RNPC3: variants seen among roughly 807,000 people sequenced by gnomAD.
The protein encoded by RNPC3 is RNA-binding region-containing protein 3.
A neutral mutation model predicts 67.5 loss-of-function variants in RNPC3; 48 were observed. The observed-to-expected ratio is 0.71, with a 90% CI of 0.56 to 0.90. RNPC3 has a LOEUF of 0.90. Ranked by LOEUF, RNPC3 falls within the 40% of genes least tolerant of loss-of-function variation. RNPC3 has a pLI of 0.00. For missense variants in RNPC3, 637 were observed against 626.1 expected (o/e 1.02, Z -0.19); for synonymous variants, 239 against 210.3 (o/e 1.14, Z -1.18).
At chr1:103,528,229 G>A (rs1276902349) in intron 2 of RNPC3, among the ~76,000 whole-genome samples, 1 of 152,176 alleles carries the variant, frequency 6.6e-6, no homozygotes, top group Admixed American at 6.5e-5. Context: ...GATGGAAATG[G>A]AACTTGAAAA....
In RNPC3 at chr1:103,541,471, C is replaced by T. The variant is rs1193513590; in HGVS notation, c.889C>T (p.His297Tyr). ...GTTGAATACACCTTTGTGTCCTTCA[C>T]ACAGGTAATTTTATTTGAACTAAGA... The part of the protein sequence containing the change: ...DMLNTPLCPS[H>Y]SSLHPVLLPS... Residue 297 changes from histidine to tyrosine, a missense_variant, in exon 8 of 15, where the codon CAC (histidine) becomes TAC (tyrosine). This residue lies in a region of RNPC3 where 536 missense variants were observed against 500.3 expected (regional missense o/e 1.07). Coordinates refer to ENST00000423855, the MANE Select transcript of RNPC3 (RefSeq NM_017619.4). The T allele has an allele frequency of 1.3e-6, 2 of 1,490,050 alleles. No homozygotes were observed. Among genetic ancestry groups the T allele is most frequent in the Admixed American group, 5.0e-5 (2 of 39,766 alleles). 92.3% of individuals were successfully genotyped at this position (1,490,050 alleles called of 1,614,324 possible). A position where few individuals can be genotyped will look rare whatever the true frequency, so the allele number is the denominator to read the frequency against.
chr1:103,544,561 G>A (rs961644940), intron 9 of RNPC3, among the ~76,000 whole-genome samples: 3 of 151,794 alleles, frequency 2.0e-5, no homozygotes, highest in Non-Finnish European at 4.4e-5. Flanking sequence ...GAGCACTTGT[G>A]TGAATATAGG....
chr1:103,551,823 A>G, intron 14 of RNPC3, 31 bp downstream of exon 14: 1 of 1,086,702 alleles, frequency 9.2e-7, no homozygotes, highest in Admixed American at 2.9e-5. Context: ...ATAAAAAGAC[A>G]AGACTAATTC....
intron 10 of RNPC3, chr1:103,545,888 G>A (rs1651230961): frequency 6.5e-6 from 1 of 152,850 alleles, no homozygotes; most frequent in Non-Finnish European, 1.5e-5. Flanking sequence ...CATCTTAACG[G>A]ACCTTTAATA....
intron 1 of RNPC3, among the ~76,000 whole-genome samples, chr1:103,527,247 A>T (rs1002730069): frequency 6.6e-6 from 1 of 152,210 alleles, no homozygotes; most frequent in African/African-American, 2.4e-5. Context: ...CCCATTGAAC[A>T]TTATTACAAA....
chr1:103,547,486 CAG>C (rs1296633809), intron 12 of RNPC3, among the ~76,000 whole-genome samples: 1 of 152,126 alleles, frequency 6.6e-6, no homozygotes, highest in Admixed American at 6.5e-5. Flanking sequence ...GGCCCACCTG[CAG>C]AGAGTCTGAT....
At chr1:103,532,976 A>G (rs1650895739) in intron 2 of RNPC3, among the ~76,000 whole-genome samples, 1 of 152,056 alleles carries the variant, frequency 6.6e-6, no homozygotes, top group Non-Finnish European at 1.5e-5. Flanking sequence ...GATGGGAGAA[A>G]TAGGAGCATG....
At chr1:103,531,532 G>T (rs986073390) in intron 2 of RNPC3, among the ~76,000 whole-genome samples, 1 of 152,042 alleles carries the variant, frequency 6.6e-6, no homozygotes, top group Non-Finnish European at 1.5e-5. Context: ...TTTTCATTAT[G>T]ACCATTATTG....
intron 14 of RNPC3, among the ~76,000 whole-genome samples, chr1:103,553,094 CCTT>C (rs1651438635): frequency 1.3e-5 from 2 of 152,018 alleles, no homozygotes; most frequent in African/African-American, 2.4e-5. Flanking sequence ...AATATTTAGT[CCTT>C]CTGAGATGGC....
intron 14 of RNPC3, chr1:103,553,412 G>A (rs1651448339): frequency 6.6e-6 from 1 of 151,964 alleles, no homozygotes. Context: ...CCAGGTTAAG[G>A]AATACTTTTT....
At chr1:103,550,180 A>G (rs1651352394) in intron 12 of RNPC3, among the ~76,000 whole-genome samples, 1 of 151,724 alleles carries the variant, frequency 6.6e-6, no homozygotes, top group Non-Finnish European at 1.5e-5. Context: ...AATAATAATC[A>G]TAATAATAAT....
intron 12 of RNPC3, 21 bp downstream of exon 12, chr1:103,547,056 A>G: frequency 7.3e-7 from 1 of 1,364,346 alleles, no homozygotes; most frequent in Non-Finnish European, 9.9e-7. Flanking sequence ...GTAAAATACA[A>G]TCTTCAATTA....
intron 4 of RNPC3, 126 bp from the exon 5 acceptor site, chr1:103,535,204 A>G (rs1230959661): frequency 1.7e-6 from 1 of 595,030 alleles, no homozygotes; most frequent in Non-Finnish European, 2.8e-6. Flanking sequence ...TGGATCTTTT[A>G]GGAACAAGGT....
chr1:103,533,795 T>C lies in RNPC3; in HGVS notation c.297T>C (p.Phe99=). 6.5e-7 allele frequency: 1 copy of C among 1,535,678 alleles called. No homozygotes were observed. The change falls in exon 3 of 15, where the codon TTT becomes TTC. Residue 99 remains phenylalanine, a synonymous_variant. Transcript: ENST00000423855. ...TAGGTCATACTTTAGTCGTTGAATTTGCAAAAGAGCAAGATCGAGTTCACT... is the reference window on the plus strand; with the variant it reads ...TAGGTCATACTTTAGTCGTTGAATTCGCAAAAGAGCAAGATCGAGTTCACT... ...KLLGHTLVVE[F]AKEQDRVHSP...
rs1328970167 is a variant in RNPC3, at chr1:103,533,861, T to C, written c.359+4T>C. On this transcript the variant is annotated splice_donor_region_variant and intron_variant, in intron 3 of 14. Coordinates refer to ENST00000423855, the MANE Select transcript of RNPC3 (RefSeq NM_017619.4). The stretch of plus-strand genomic sequence containing the variant: ...CAGGCTCTGAAAAAAAAAAAAGGTA[T>C]GTAGATCAGTAAATCATACATTTTT... The C allele has an allele frequency of 9.2e-6, 12 of 1,300,172 alleles. No individual in the cohort carries two copies. In the East Asian group the frequency reaches 3.0e-4, roughly 33 times the overall value. The allele number at this position is 1,300,172 out of a possible 1,614,324, so 80.5% of individuals were successfully genotyped here. A position where few individuals can be genotyped will look rare whatever the true frequency, so the allele number is the denominator to read the frequency against.
At chr1:103,548,414 C>G (rs764924071) in intron 12 of RNPC3, among the ~76,000 whole-genome samples, 6 of 152,142 alleles carry the variant, frequency 3.9e-5, no homozygotes, top group Non-Finnish European at 8.8e-5. Context: ...TCATCTCTCT[C>G]AAGTTCAAAA....
intron 14 of RNPC3, chr1:103,552,023 T>A (rs1651403638): frequency 3.2e-6 from 1 of 313,394 alleles, no homozygotes; most frequent in Admixed American, 5.1e-5. Context: ...AGTGTGCCTG[T>A]TACTCTTTTT....
rs1181408271 is a variant in RNPC3, at chr1:103,541,372, G to A, written c.790G>A (p.Ala264Thr). ...RQRMNKLMEL[A>T]NLQPKRPKTI... ...TAGAATGAACAAATTAATGGAACTA[G>A]CAAATCTTCAGCCCAAAAGACCTAA... is the stretch of plus-strand genomic sequence containing the variant. Residue 264 changes from alanine (A) to threonine (T), a missense_variant, in exon 8 of 15, where the codon GCA becomes ACA. Transcript: ENST00000423855. The A allele has an allele frequency of 2.7e-6, 4 of 1,504,350 alleles. No homozygotes were observed. Among genetic ancestry groups the A allele is most frequent in the Admixed American group, 2.3e-5 (1 of 42,638 alleles). 93.2% of individuals were successfully genotyped at this position (1,504,350 alleles called of 1,614,324 possible). A position where few individuals can be genotyped will look rare whatever the true frequency, so the allele number is the denominator to read the frequency against.
chr1:103,541,446 G>T lies in RNPC3; in HGVS notation c.864G>T (p.Met288Ile), dbSNP rs1651123566. 2 of 1,496,102 alleles carry T rather than the reference G, an allele frequency of 1.3e-6. No homozygotes were observed. Among genetic ancestry groups the T allele is most frequent in the Non-Finnish European group, 1.8e-6 (2 of 1,132,622 alleles). The allele number at this position is 1,496,102 out of a possible 1,614,324, so 92.7% of individuals were successfully genotyped here. A position where few individuals can be genotyped will look rare whatever the true frequency, so the allele number is the denominator to read the frequency against. Reference sequence around the variant, plus strand: ...GAAAAAAGAGAAAAATAAAGGATATGTTGAATACACCTTTGTGTCCTTCAC... The same window carrying T: ...GAAAAAAGAGAAAAATAAAGGATATTTTGAATACACCTTTGTGTCCTTCAC... ...HVRKKRKIKD[M>I]LNTPLCPSHS... The change falls in exon 8 of 15, where the codon ATG becomes ATT. Residue 288 changes from methionine to isoleucine, a missense_variant. Physicochemically the swap from Met to Ile is conservative, Grantham distance 10 (BLOSUM62 1). Coordinates refer to ENST00000423855, the MANE Select transcript of RNPC3 (RefSeq NM_017619.4).
Sources: gnomAD v4.1 joint callset for allele counts (sites outside exome capture counted in the v4.1 genomes callset) on GRCh38, gnomAD v4.1.1 for gene constraint, gnomAD v4.1.1 regional missense constraint, MANE v1.5 for transcripts, NCBI Gene and HGNC (gene_info 2026-07-23, HGNC 2026-07-21) for gene names.